Variants in SNTB2 observed in about 807,000 individuals in gnomAD.
The protein encoded by SNTB2 is syntrophin beta 2, also known as beta-2-syntrophin.
In SNTB2, 34 loss-of-function variants were observed where a neutral mutation model predicts 46.2. That is an observed-to-expected ratio of 0.74 (90% CI 0.56 to 0.98). The LOEUF (loss-of-function observed/expected upper bound fraction) is 0.98, where lower values mean the gene tolerates loss of function less well. SNTB2 is among the 50% of genes least tolerant of loss of function. SNTB2 has a pLI of 0.00. For synonymous variants in SNTB2, 290 were observed against 312.6 expected (o/e 0.93, Z 0.76); for missense variants, 603 against 731.4 (o/e 0.82, Z 2.02).
In SNTB2 at chr16:69,300,989, AGCAC is replaced by A; in HGVS notation, c.*66_*69del. The A allele has an allele frequency of 4.8e-6, 5 of 1,035,222 alleles. No individual in the cohort carries two copies. The highest frequency in any genetic ancestry group is 7.3e-6 in the Non-Finnish European group (5 of 680,584). 64.1% of individuals were successfully genotyped at this position (1,035,222 alleles called of 1,614,324 possible). Reference sequence around the variant, plus strand: ...AATATTTCCACCTCAAAAAAAAAAAAGCACAAAAAGAAACTCTTTGCTCTCCTTC... The same window carrying A: ...AATATTTCCACCTCAAAAAAAAAAAAAAAAAGAAACTCTTTGCTCTCCTTC... On this transcript the variant is annotated 3_prime_UTR_variant, in exon 7 of 7. Coordinates refer to ENST00000336278, the MANE Select transcript of SNTB2 (RefSeq NM_006750.4).
Position 69,199,595 on chromosome 16 carries a change from C to CAAAAAAAAAAAAAAA in SNTB2, c.580+11851_580+11865dup, listed in dbSNP as rs60011703. Among the ~76,000 whole-genome samples, 18 of 76,860 alleles carry CAAAAAAAAAAAAAAA rather than the reference C, an allele frequency of 2.3e-4. 1 individual carries two copies. Among genetic ancestry groups the CAAAAAAAAAAAAAAA allele is most frequent in the African/African-American group, 6.4e-4 (12 of 18,890 alleles). 50.4% of individuals were successfully genotyped at this position (76,860 alleles called of 152,430 possible). On this transcript the variant is annotated intron_variant, in intron 1 of 6. Coordinates refer to ENST00000336278, the MANE Select transcript of SNTB2 (RefSeq NM_006750.4). ...TGGACAACAGAGTGAAACACTGCCTCAAAAAAAAAAAAAAAAGGCGATCTT... is the reference window on the plus strand; with the variant it reads ...TGGACAACAGAGTGAAACACTGCCTCAAAAAAAAAAAAAAAAAAAAAAAAAAAAAAAGGCGATCTT...
intron 4 of SNTB2, among the ~76,000 whole-genome samples, chr16:69,274,481 G>A (rs896529782): frequency 5.3e-5 from 8 of 151,714 alleles, no homozygotes; most frequent in African/African-American, 7.3e-5. Flanking sequence ...GTGAAACCCC[G>A]TCTCTACTAA....
chr16:69,287,492 C>T lies in SNTB2; in HGVS notation c.1345+3248C>T, dbSNP rs140820586. Reference sequence around the variant, plus strand: ...GGCCGAGGCATGAGAATTGCTTGAACCCGGGAGGTGGAGATTGCAACAAGC... The same window carrying T: ...GGCCGAGGCATGAGAATTGCTTGAATCCGGGAGGTGGAGATTGCAACAAGC... On this transcript the variant is annotated intron_variant, in intron 5 of 6. Transcript: ENST00000336278. Among the ~76,000 whole-genome samples, 402 of 152,196 alleles carry T rather than the reference C, an allele frequency of 2.6e-3. 1 individual carries two copies. The highest frequency in any genetic ancestry group is 0.014 in the Middle Eastern group (4 of 294).
chr16:69,275,249 G>A (rs1964976421), intron 4 of SNTB2, among the ~76,000 whole-genome samples: 1 of 151,970 alleles, frequency 6.6e-6, no homozygotes, highest in Non-Finnish European at 1.5e-5. Flanking sequence ...ATTTTTTATG[G>A]AGGTGAGGTC....
rs1222063261 is a variant in SNTB2, at chr16:69,304,896, G to T, written c.*3972G>T. 6.7e-6 allele frequency: 1 copy of T among 149,692 alleles called. No individual in the cohort carries two copies. The highest frequency in any genetic ancestry group is 1.5e-5 in the Non-Finnish European group (1 of 67,654). The allele number at this position is 149,692 out of a possible 1,614,324, so 9.3% of individuals were successfully genotyped here. ...TGCCCAGGCTGGTCTTGAACTCTTG[G>T]CACTCAAGCAGTCCTTCTGCCTCAG... On this transcript the variant is annotated 3_prime_UTR_variant, in exon 7 of 7. Coordinates refer to ENST00000336278, the MANE Select transcript of SNTB2 (RefSeq NM_006750.4).
intron 1 of SNTB2, among the ~76,000 whole-genome samples, chr16:69,243,606 T>G (rs1401136264): frequency 1.3e-5 from 2 of 152,214 alleles, no homozygotes; most frequent in Admixed American, 6.5e-5. Context: ...AGCCCAATAG[T>G]GTACTGCCTT....
At chr16:69,204,492 G>A (rs1964195360) in intron 1 of SNTB2, among the ~76,000 whole-genome samples, 1 of 152,182 alleles carries the variant, frequency 6.6e-6, no homozygotes, top group Admixed American at 6.6e-5. Flanking sequence ...TTTAAATACA[G>A]TACCTCAGGC....
At chr16:69,294,685 A>G (rs1965206005) in intron 5 of SNTB2, among the ~76,000 whole-genome samples, 1 of 152,060 alleles carries the variant, frequency 6.6e-6, no homozygotes, top group Non-Finnish European at 1.5e-5. Flanking sequence ...GTGAGCCGAG[A>G]TCATGCCACC....
At chr16:69,267,331 C>A (rs1416920467) in intron 3 of SNTB2, among the ~76,000 whole-genome samples, 1 of 152,168 alleles carries the variant, frequency 6.6e-6, no homozygotes, top group African/African-American at 2.4e-5. Flanking sequence ...ATCAGTTTAT[C>A]ATTTTAACCC....
At chr16:69,235,634 G>A (rs1964552042) in intron 1 of SNTB2, 4 of 1,182,984 alleles carry the variant, frequency 3.4e-6, no homozygotes, top group African/African-American at 1.6e-5. Context: ...GGGAAGTGGG[G>A]AGCAGAAAGA....
At position 69,187,689 on chromosome 16, in the gene SNTB2, A is replaced by C; in HGVS notation, c.523A>C (p.Thr175Pro). The change falls in exon 1 of 7, where the codon ACC becomes CCC. Residue 175 changes from threonine to proline, a missense_variant. Transcript: ENST00000336278. ...GAACGGCACCGACCTGCGCCAGGCC[A>C]CCCACGACCAGGCCGTGCAGGCGCT... ...SVNGTDLRQA[T>P]HDQAVQALKR... is the part of the protein sequence containing the mutation. 7.5e-7 allele frequency: 1 copy of C among 1,339,718 alleles called. No homozygotes were observed. Among genetic ancestry groups the C allele is most frequent in the Non-Finnish European group, 9.7e-7 (1 of 1,026,486 alleles). 83.0% of individuals were successfully genotyped at this position (1,339,718 alleles called of 1,614,324 possible).
intron 4 of SNTB2, among the ~76,000 whole-genome samples, chr16:69,279,761 C>T (rs1965020979): frequency 6.6e-6 from 1 of 151,590 alleles, no homozygotes; most frequent in Non-Finnish European, 1.5e-5. Context: ...ATCTCCTGAC[C>T]TTATGATCCG....
intron 1 of SNTB2, among the ~76,000 whole-genome samples, chr16:69,209,436 A>G (rs1356539878): frequency 6.6e-6 from 1 of 152,138 alleles, no homozygotes; most frequent in African/African-American, 2.4e-5. Flanking sequence ...TAGAAGTGTT[A>G]TATCATTGCT....
chr16:69,230,829 C>T (rs1260812156), intron 1 of SNTB2: 1 of 151,522 alleles, frequency 6.6e-6, no homozygotes, highest in African/African-American at 2.4e-5. Flanking sequence ...ACTGCAAGCT[C>T]CGCCTCCCGG....
intron 1 of SNTB2, among the ~76,000 whole-genome samples, chr16:69,203,054 T>G (rs1964179614): frequency 6.6e-6 from 1 of 151,760 alleles, no homozygotes; most frequent in Non-Finnish European, 1.5e-5. Flanking sequence ...GTCTCGCTCT[T>G]GTTGCCCAGG....
In SNTB2 at chr16:69,187,689, AC is replaced by A; in HGVS notation, c.526del (p.His176ThrfsTer8). 1 of 1,339,714 alleles carries A rather than the reference AC, an allele frequency of 7.5e-7. No homozygotes were observed. 83.0% of individuals were successfully genotyped at this position (1,339,714 alleles called of 1,614,324 possible). ...SVNGTDLRQA[T>X]HDQAVQALKR... ...GAACGGCACCGACCTGCGCCAGGCC[AC>A]CCACGACCAGGCCGTGCAGGCGCTG... On this transcript the variant is annotated frameshift_variant, in exon 1 of 7. Transcript: ENST00000336278. LOFTEE classifies it high-confidence loss of function.
chr16:69,251,894 G>A (rs1230797991), intron 2 of SNTB2, among the ~76,000 whole-genome samples: 8 of 151,926 alleles, frequency 5.3e-5, no homozygotes, highest in African/African-American at 9.7e-5. Context: ...GAGACCAGCC[G>A]GGCCAACATG....
chr16:69,192,806 G>T (rs1166513818), intron 1 of SNTB2, among the ~76,000 whole-genome samples: 1 of 152,168 alleles, frequency 6.6e-6, no homozygotes, highest in African/African-American at 2.4e-5. Flanking sequence ...AAGTGCTAGT[G>T]ATTATGGTGT....
chr16:69,199,530 C>T (rs973250869), intron 1 of SNTB2, among the ~76,000 whole-genome samples: 11 of 146,504 alleles, frequency 7.5e-5, no homozygotes, highest in Non-Finnish European at 1.3e-4. Flanking sequence ...GGGAGGTGGA[C>T]GCTTTGGTGA....
Sources: allele counts gnomAD v4.1 joint callset (sites outside exome capture counted in the v4.1 genomes callset), GRCh38; gene constraint gnomAD v4.1.1; transcripts MANE v1.5; gene names NCBI Gene and HGNC (gene_info 2026-07-23, HGNC 2026-07-21).